CSTPP1: variants seen among roughly 807,000 people sequenced by gnomAD.
CSTPP1 encodes the protein centriolar satellite-associated tubulin polyglutamylase complex regulator 1.
At chr11:47,153,525 A>T in the CSTPP1 span, among the ~76,000 whole-genome samples, 1 of 152,206 alleles carries the variant, frequency 6.6e-6, no homozygotes, top group Non-Finnish European at 1.5e-5. Flanking sequence ...TGGCCTGTGG[A>T]GTCCAGCAAG....
At chr11:47,152,205 C>T in the CSTPP1 span, among the ~76,000 whole-genome samples, 1 of 151,428 alleles carries the variant, frequency 6.6e-6, no homozygotes, top group African/African-American at 2.4e-5. Flanking sequence ...AGCCGATCTG[C>T]ACCACTGCAC....
the CSTPP1 span, among the ~76,000 whole-genome samples, chr11:46,998,374 C>T: frequency 6.6e-6 from 1 of 152,114 alleles, no homozygotes; most frequent in South Asian, 2.1e-4. Context: ...GAAAAAAAAT[C>T]GTAAGATTTT....
the CSTPP1 span, among the ~76,000 whole-genome samples, chr11:47,022,967 C>T: frequency 2.6e-5 from 4 of 152,148 alleles, no homozygotes; most frequent in Non-Finnish European, 5.9e-5. Flanking sequence ...ACTAGTGCTT[C>T]TTGAACTTTT....
chr11:46,940,254 A>G, the CSTPP1 span, among the ~76,000 whole-genome samples: 1 of 152,252 alleles, frequency 6.6e-6, no homozygotes, highest in African/African-American at 2.4e-5. Flanking sequence ...TAAATAATTT[A>G]TTTAACCAGT....
the CSTPP1 span, among the ~76,000 whole-genome samples, chr11:46,957,457 TGATA>T: frequency 1.3e-5 from 2 of 152,226 alleles, no homozygotes; most frequent in Non-Finnish European, 2.9e-5. Context: ...TACCCTTGAT[TGATA>T]GTTTAGATAC....
the CSTPP1 span, among the ~76,000 whole-genome samples, chr11:47,156,806 AGG>A: frequency 6.6e-6 from 1 of 152,246 alleles, no homozygotes; most frequent in Admixed American, 6.5e-5. Context: ...AACTGAGCCA[AGG>A]ATGGGACATT....
the CSTPP1 span, chr11:47,158,039 TC>T: frequency 1.1e-6 from 1 of 900,060 alleles, no homozygotes; most frequent in Non-Finnish European, 1.8e-6. Flanking sequence ...TGCCTTGACT[TC>T]CCAGGGCCGG....
the CSTPP1 span, among the ~76,000 whole-genome samples, chr11:47,134,912 T>C: frequency 1.3e-5 from 2 of 152,250 alleles, no homozygotes; most frequent in Admixed American, 1.3e-4. Flanking sequence ...AGTTCAAGAC[T>C]AGCCTGGGTG....
At chr11:47,163,023 A>T in the CSTPP1 span, among the ~76,000 whole-genome samples, 1 of 151,874 alleles carries the variant, frequency 6.6e-6, no homozygotes, top group Non-Finnish European at 1.5e-5. Flanking sequence ...CTACAAAATA[A>T]CCTTAGCCAG....
the CSTPP1 span, among the ~76,000 whole-genome samples, chr11:47,016,956 C>T: frequency 3.4e-5 from 5 of 148,538 alleles, 1 homozygote; most frequent in South Asian, 6.3e-4. Flanking sequence ...CATTCTCCTG[C>T]CTCAGCCTCC....
At chr11:47,078,270 A>T in the CSTPP1 span, among the ~76,000 whole-genome samples, 3 of 152,242 alleles carry the variant, frequency 2.0e-5, no homozygotes, top group East Asian at 3.8e-4. Flanking sequence ...GGGTGAAATG[A>T]GTTATAACTT....
chr11:47,004,057 G>T, the CSTPP1 span, among the ~76,000 whole-genome samples: 2 of 152,046 alleles, frequency 1.3e-5, no homozygotes, highest in Non-Finnish European at 2.9e-5. Flanking sequence ...TGTGGATCTG[G>T]ATAGTCTTCC....
At chr11:47,043,871 G>A in the CSTPP1 span, among the ~76,000 whole-genome samples, 244 of 152,258 alleles carry the variant, frequency 1.6e-3, no homozygotes, top group African/African-American at 5.5e-3. Context: ...GCATGCGCCT[G>A]TAGATTCAGC....
chr11:46,944,234 C>G, the CSTPP1 span, among the ~76,000 whole-genome samples: 1 of 149,526 alleles, frequency 6.7e-6, no homozygotes, highest in Non-Finnish European at 1.5e-5. Context: ...ACGAGAATTG[C>G]TTGAACCCGG....
the CSTPP1 span, among the ~76,000 whole-genome samples, chr11:46,955,315 T>A: frequency 6.6e-6 from 1 of 151,928 alleles, no homozygotes; most frequent in Admixed American, 6.6e-5. Context: ...TAAAAGTAAG[T>A]AGGTTTGATC....
chr11:47,041,112 TG>T, the CSTPP1 span: 1 of 186,374 alleles, frequency 5.4e-6, no homozygotes, highest in Non-Finnish European at 1.2e-5. Flanking sequence ...GGGGAAACAG[TG>T]GCAGTTTCAC....
the CSTPP1 span, chr11:47,161,194 A>AGTGTCAAGTGGGAGGATACT: frequency 6.2e-7 from 1 of 1,613,676 alleles, no homozygotes; most frequent in South Asian, 1.1e-5. Flanking sequence ...AACGGCTGTA[A>AGTGTCAAGTGGGAGGATACT]GTGTCAAGTG....
the CSTPP1 span, among the ~76,000 whole-genome samples, chr11:47,104,254 T>C: frequency 1.3e-5 from 2 of 152,202 alleles, no homozygotes; most frequent in Admixed American, 1.3e-4. Flanking sequence ...TAGAGAGGCC[T>C]TCAAGCTCCC....
the CSTPP1 span, among the ~76,000 whole-genome samples, chr11:46,958,147 TTTTC>T: frequency 6.6e-6 from 1 of 152,102 alleles, no homozygotes; most frequent in Non-Finnish European, 1.5e-5. Context: ...CTCCTTGTGA[TTTTC>T]TTTTTTTTAA....
Sources: gnomAD v4.1 joint callset for allele counts (sites outside exome capture counted in the v4.1 genomes callset) on GRCh38, gnomAD v4.1.1 for gene constraint, MANE v1.5 for transcripts, NCBI Gene and HGNC (gene_info 2026-07-23, HGNC 2026-07-21) for gene names.